PPP2R2D: variants seen among roughly 807,000 people sequenced by gnomAD.
PPP2R2D encodes protein phosphatase 2 regulatory subunit Bdelta.
PPP2R2D carries 9 observed loss-of-function variants against 31.1 expected under a neutral mutation model. The ratio of observed to expected loss-of-function variants is 0.29; its 90% CI spans 0.17 to 0.51. PPP2R2D has a LOEUF of 0.51. Ranked by LOEUF, PPP2R2D falls within the 20% of genes least tolerant of loss-of-function variation. The pLI, the probability that PPP2R2D is intolerant of heterozygous loss-of-function variation, is 0.98. For missense variants in PPP2R2D, 391 were observed against 465.6 expected, an observed-to-expected ratio of 0.84 and a Z score of 1.48; for synonymous variants, 179 against 172.6, an observed-to-expected ratio of 1.04 and a Z score of -0.29.
chr10:131,944,454 T>TC (rs2036498883), intron 6 of PPP2R2D, among the ~76,000 whole-genome samples: 4 of 152,184 alleles, frequency 2.6e-5, no homozygotes, highest in Admixed American at 2.6e-4. Context: ...TCTTTTTTTT[T>TC]TTCTAAATTT....
At chr10:131,927,645 C>G (rs2036132170) in intron 2 of PPP2R2D, among the ~76,000 whole-genome samples, 1 of 152,192 alleles carries the variant, frequency 6.6e-6, no homozygotes, top group Non-Finnish European at 1.5e-5. Context: ...CAGGCCCTCC[C>G]TCCCTCCGGG....
rs76504994 is a variant in PPP2R2D at position 131,938,348 on chromosome 10, G to A, written c.199-1683G>A. On this transcript the variant is annotated intron_variant, in intron 3 of 8. Transcript: ENST00000455566. ...ATAGAGCAAGAATGAAAGTACTGGC[G>A]TCCTTGATTTTGAATTATGAAATAT... 9.1e-4 allele frequency among the ~76,000 whole-genome samples: 138 copies of A among 152,286 alleles called. 2 individuals carry two copies. The East Asian group carries it at 0.021, about 24-fold the overall frequency.
chr10:131,910,118 C>G (rs2035659721), intron 2 of PPP2R2D, among the ~76,000 whole-genome samples: 2 of 152,228 alleles, frequency 1.3e-5, no homozygotes, highest in African/African-American at 4.8e-5. Flanking sequence ...TGCACCATAA[C>G]TCGCCAGGTG....
chr10:131,966,896 T>C, the PPP2R2D span: 1 of 151,802 alleles, frequency 6.6e-6, no homozygotes, highest in East Asian at 1.9e-4. Flanking sequence ...TTTTTTTTTT[T>C]TTGAGATGGA....
intron 2 of PPP2R2D, among the ~76,000 whole-genome samples, chr10:131,927,381 T>C (rs781893795): frequency 3.3e-5 from 5 of 152,188 alleles, no homozygotes; most frequent in Non-Finnish European, 5.9e-5. Flanking sequence ...AGAGGATGAA[T>C]GGAGCCTTCA....
chr10:131,918,999 G>T (rs1433874385), intron 2 of PPP2R2D, among the ~76,000 whole-genome samples: 1 of 140,416 alleles, frequency 7.1e-6, no homozygotes, highest in Admixed American at 7.0e-5. Flanking sequence ...GGGACCTCAG[G>T]CGGGTGGAAT....
the PPP2R2D span, chr10:131,971,329 TATAAG>T: frequency 3.8e-6 from 1 of 266,416 alleles, no homozygotes; most frequent in East Asian, 9.6e-5. Flanking sequence ...CAGCACTGGT[TATAAG>T]AAAAGAAAAT....
chr10:131,963,634 G>A (rs1253477638), downstream of PPP2R2D, among the ~76,000 whole-genome samples: 1 of 152,246 alleles, frequency 6.6e-6, no homozygotes, highest in Non-Finnish European at 1.5e-5. Flanking sequence ...GGCTTCTGAC[G>A]CCACAGGGCT....
chr10:131,932,669 C>CAAAAAAAAAAA (rs1180369012), intron 2 of PPP2R2D, among the ~76,000 whole-genome samples: 1 of 90,646 alleles, frequency 1.1e-5, no homozygotes, highest in African/African-American at 4.4e-5. Context: ...AAAAAAAAAA[C>CAAAAAAAAAAA]ACACAAAAAA....
chr10:131,931,661 T>C (rs1329528149), intron 2 of PPP2R2D, among the ~76,000 whole-genome samples: 2 of 152,212 alleles, frequency 1.3e-5, no homozygotes, highest in Non-Finnish European at 2.9e-5. Flanking sequence ...CCCATCTTTG[T>C]TTTGGTGACT....
intron 2 of PPP2R2D, among the ~76,000 whole-genome samples, chr10:131,922,923 A>G (rs374120235): frequency 2.0e-5 from 3 of 152,196 alleles, no homozygotes; most frequent in South Asian, 2.1e-4. Context: ...TTTAGAGTGT[A>G]TTTGAGAATG....
intron 4 of PPP2R2D, 21 bp from the exon 5 acceptor site, chr10:131,940,561 G>A (rs782030277): frequency 1.4e-6 from 1 of 728,886 alleles, no homozygotes; most frequent in Non-Finnish European, 2.5e-6. Flanking sequence ...TTCATATGGA[G>A]AATGAGGTTT....
Position 131,957,507 on chromosome 10 carries a change from C to CAT in PPP2R2D, c.*1544_*1545insAT. On this transcript the variant is annotated 3_prime_UTR_variant, in exon 9 of 9. Transcript: ENST00000455566. The stretch of plus-strand genomic sequence containing the variant: ...TGGATGAAGGTGTGTGCTGATCCCC[C>CAT]GTCCCCCTGTGGAGATGAAGGTGTG... 1 of 183,934 alleles carries CAT rather than the reference C, an allele frequency of 5.4e-6. No individual in the cohort carries two copies. Among genetic ancestry groups the CAT allele is most frequent in the Non-Finnish European group, 1.1e-5 (1 of 88,646 alleles). The allele number at this position is 183,934 out of a possible 1,614,324, so 11.4% of individuals were successfully genotyped here.
rs1180023755 is a variant in PPP2R2D, at chr10:131,947,054, A to C, written c.821-476A>C. ...AAAGCAGGCAGTTTCTTAGAGGCAC[A>C]GACCGCTGTGTCTGCATGACCATAT... On this transcript the variant is annotated intron_variant, in intron 7 of 8. Transcript: ENST00000455566. This position sits in a 1 kb window ranked among gnomAD's most constrained non-coding sequence, Gnocchi z 4.3. Among the ~76,000 whole-genome samples, 1 of 152,204 alleles carries C rather than the reference A, an allele frequency of 6.6e-6. No homozygotes were observed. Among genetic ancestry groups the C allele is most frequent in the African/African-American group, 2.4e-5 (1 of 41,460 alleles).
chr10:131,936,536 C>T lies in PPP2R2D; in HGVS notation c.198+1981C>T, dbSNP rs2036344485. On this transcript the variant is annotated intron_variant, in intron 3 of 8. Coordinates refer to ENST00000455566, the MANE Select transcript of PPP2R2D (RefSeq NM_018461.5). ...TTATTTAAAAAGTCTGTCATTGTAG[C>T]GATAGCCTTAGGGAAGATGCCTCAT... Among the ~76,000 whole-genome samples the T allele has an allele frequency of 2.0e-5, 3 of 152,158 alleles. No individual in the cohort carries two copies. In the South Asian group the frequency reaches 6.2e-4, roughly 32 times the overall value.
At chr10:131,925,184 A>G (rs2036080988) in intron 2 of PPP2R2D, among the ~76,000 whole-genome samples, 1 of 152,178 alleles carries the variant, frequency 6.6e-6, no homozygotes, top group South Asian at 2.1e-4. Flanking sequence ...TTCCAGTAGA[A>G]TGTTTACTAG....
chr10:131,920,400 C>T (rs1283491897), intron 2 of PPP2R2D, among the ~76,000 whole-genome samples: 2 of 139,182 alleles, frequency 1.4e-5, no homozygotes, highest in Non-Finnish European at 3.1e-5. Context: ...TGGAGTGACA[C>T]AGTGTAGGGA....
chr10:131,962,982 G>A (rs547969376), downstream of PPP2R2D, among the ~76,000 whole-genome samples: 5 of 152,332 alleles, frequency 3.3e-5, no homozygotes, highest in South Asian at 1.0e-3. Context: ...GGCCATCATA[G>A]TGAAACCCCG....
the PPP2R2D span, among the ~76,000 whole-genome samples, chr10:131,966,015 G>C: frequency 2.6e-3 from 402 of 152,240 alleles, 5 homozygotes; most frequent in African/African-American, 9.1e-3. Context: ...TAAATACTGC[G>C]TATTTAGTTA....
Sources: gnomAD v4.1 joint callset for allele counts (sites outside exome capture counted in the v4.1 genomes callset) on GRCh38, gnomAD v4.1.1 for gene constraint, Gnocchi (gnomAD v3.1) non-coding constraint, MANE v1.5 for transcripts, NCBI Gene and HGNC (gene_info 2026-07-23, HGNC 2026-07-21) for gene names.